Variants in CCDC102B observed in about 807,000 individuals in gnomAD.
CCDC102B encodes the protein coiled-coil domain-containing protein 102B.
A neutral mutation model predicts 57.4 loss-of-function variants in CCDC102B; 75 were observed. The ratio of observed to expected loss-of-function variants is 1.31; its 90% CI spans 1.08 to 1.58. The LOEUF is 1.58. Among genes scored for constraint, CCDC102B ranks in the 40% most tolerant of loss-of-function variants. CCDC102B has a pLI of 0.00. For synonymous variants in CCDC102B, 206 were observed against 201.9 expected (o/e 1.02, Z -0.17); for missense variants, 636 against 582.6 (o/e 1.09, Z -0.94).
At chr18:68,767,196 G>A (rs991314265) in intron 2 of CCDC102B, among the ~76,000 whole-genome samples, 1 of 152,186 alleles carries the variant, frequency 6.6e-6, no homozygotes, top group African/African-American at 2.4e-5. Context: ...CTCATTTCTT[G>A]TAGTGTTATG....
intron 7 of CCDC102B, among the ~76,000 whole-genome samples, chr18:69,032,357 T>C (rs1296584853): frequency 2.3e-4 from 35 of 152,226 alleles, no homozygotes; most frequent in Admixed American, 2.2e-3. Context: ...GATGATCAGA[T>C]ACAAGTGCTG....
At chr18:69,046,616 T>C (rs79521590) in intron 7 of CCDC102B, among the ~76,000 whole-genome samples, 5,068 of 152,264 alleles carry the variant, frequency 0.033, 140 homozygotes, top group East Asian at 0.15. Context: ...CAATTGTCAA[T>C]TTTTGCTTTT....
At chr18:68,976,598 A>C (rs1347547055) in intron 6 of CCDC102B, among the ~76,000 whole-genome samples, 1 of 151,990 alleles carries the variant, frequency 6.6e-6, no homozygotes, top group East Asian at 1.9e-4. Flanking sequence ...GTTTAAAAAA[A>C]ATTATATCAA....
intron 2 of CCDC102B, among the ~76,000 whole-genome samples, chr18:68,747,727 T>C (rs1438303340): frequency 2.0e-5 from 3 of 152,178 alleles, no homozygotes; most frequent in Non-Finnish European, 4.4e-5. Context: ...AATACAGTGA[T>C]ACATCATTAT....
chr18:68,941,933 G>T (rs2049390490), intron 6 of CCDC102B, among the ~76,000 whole-genome samples: 1 of 151,904 alleles, frequency 6.6e-6, no homozygotes. Flanking sequence ...TTTCCCAGTG[G>T]TAGGTGATCT....
At position 68,956,420 on chromosome 18, in the gene CCDC102B, A is replaced by ATTT. The variant is rs1568352195; in HGVS notation, c.1264-54513_1264-54512insTTT. Reference sequence around the variant, plus strand: ...TATAAATATATTTTATATATATTATATATATTATACATTTTATATATATTA... The same window carrying ATTT: ...TATAAATATATTTTATATATATTATATTTTATATTATACATTTTATATATATTA... On this transcript the variant is annotated intron_variant, in intron 6 of 7. Transcript: ENST00000360242. Among the ~76,000 whole-genome samples the ATTT allele has an allele frequency of 8.8e-3, 301 of 34,312 alleles. 35 individuals are homozygous for ATTT. The highest frequency in any genetic ancestry group is 0.026 in the African/African-American group (292 of 11,078). The allele number at this position is 34,312 out of a possible 152,430, so 22.5% of individuals were successfully genotyped here.
intron 2 of CCDC102B, chr18:68,753,233 A>C (rs1305830965): frequency 1.3e-5 from 2 of 152,148 alleles, no homozygotes; most frequent in Non-Finnish European, 2.9e-5. Context: ...GAGTGCCTGC[A>C]TATTTACTAT....
intron 4 of CCDC102B, among the ~76,000 whole-genome samples, chr18:68,857,168 A>ATTTT (rs2038453056): frequency 2.3e-5 from 1 of 43,458 alleles, no homozygotes; most frequent in South Asian, 9.5e-4. Flanking sequence ...ATATTTTTAT[A>ATTTT]TAATATATAA....
intron 4 of CCDC102B, among the ~76,000 whole-genome samples, chr18:68,852,682 ATACACT>A (rs1205555539): frequency 2.0e-5 from 3 of 152,204 alleles, no homozygotes; most frequent in African/African-American, 7.2e-5. Context: ...ATATGGAAGT[ATACACT>A]TTATTTAACT....
chr18:68,830,269 C>A (rs2037090435), intron 1 of CCDC102B, among the ~76,000 whole-genome samples: 1 of 151,872 alleles, frequency 6.6e-6, no homozygotes, highest in African/African-American at 2.4e-5. Flanking sequence ...CAGGCTTGTG[C>A]AGTGTTATTT....
At chr18:68,755,800 A>G (rs567610199) in intron 2 of CCDC102B, among the ~76,000 whole-genome samples, 71 of 151,690 alleles carry the variant, frequency 4.7e-4, no homozygotes, top group Non-Finnish European at 5.9e-4. Flanking sequence ...TAGAAAAACC[A>G]TAAGAATCAA....
At chr18:68,906,233 A>ATGT (rs1371371135) in intron 6 of CCDC102B, among the ~76,000 whole-genome samples, 4 of 151,976 alleles carry the variant, frequency 2.6e-5, no homozygotes, top group Non-Finnish European at 4.4e-5. Context: ...CTGCTGGTGG[A>ATGT]TGTTGAGTCG....
At chr18:68,854,952 A>C (rs2038314682) in intron 4 of CCDC102B, among the ~76,000 whole-genome samples, 1 of 152,206 alleles carries the variant, frequency 6.6e-6, no homozygotes, top group South Asian at 2.1e-4. Context: ...CCTAAAAAGG[A>C]AAGTGAAATT....
chr18:68,989,113 C>T (rs1330121172), intron 6 of CCDC102B, among the ~76,000 whole-genome samples: 2 of 152,118 alleles, frequency 1.3e-5, no homozygotes, highest in Admixed American at 6.5e-5. Context: ...ATTGGAAATC[C>T]GTATTCCATC....
intron 2 of CCDC102B, among the ~76,000 whole-genome samples, chr18:68,765,818 G>A (rs756604466): frequency 1.1e-4 from 16 of 152,040 alleles, no homozygotes; most frequent in Non-Finnish European, 2.2e-4. Context: ...TTATTCTGAT[G>A]TAACTCATAC....
At chr18:68,956,353 T>TATATATATTAAG (rs1357015909) in intron 6 of CCDC102B, among the ~76,000 whole-genome samples, 1 of 1,984 alleles carries the variant, frequency 5.0e-4, no homozygotes, top group East Asian at 0.017. Context: ...TATATATTAA[T>TATATATATTAAG]ATATATAATA....
At chr18:68,770,124 G>A (rs957522721) in intron 2 of CCDC102B, among the ~76,000 whole-genome samples, 2 of 152,200 alleles carry the variant, frequency 1.3e-5, no homozygotes, top group Admixed American at 1.3e-4. Context: ...GATTTGATCA[G>A]ATGACTATAG....
chr18:68,823,155 C>T (rs370228115), intron 1 of CCDC102B, among the ~76,000 whole-genome samples: 6 of 152,160 alleles, frequency 3.9e-5, no homozygotes, highest in East Asian at 3.9e-4. Context: ...ATGCTTCATT[C>T]GCATAGGTTG....
At chr18:68,724,386 G>A (rs964790991) in intron 2 of CCDC102B, among the ~76,000 whole-genome samples, 2 of 152,126 alleles carry the variant, frequency 1.3e-5, no homozygotes, top group Non-Finnish European at 2.9e-5. Context: ...AGAAAATGGG[G>A]TTTTCTTTTC....
Sources: gnomAD v4.1 joint callset for allele counts (sites outside exome capture counted in the v4.1 genomes callset) on GRCh38, gnomAD v4.1.1 for gene constraint, MANE v1.5 for transcripts, NCBI Gene and HGNC (gene_info 2026-07-23, HGNC 2026-07-21) for gene names.